The following PTPRD variants were observed in gnomAD, a reference collection of about 807,000 sequenced individuals.
The protein encoded by PTPRD is receptor-type tyrosine-protein phosphatase delta.
PTPRD carries 34 observed loss-of-function variants against 214.5 expected under a neutral mutation model. The observed-to-expected ratio is 0.16, with a 90% CI of 0.12 to 0.21. The LOEUF is 0.21. Among genes scored for constraint, PTPRD ranks in the 10% least tolerant of loss-of-function variants. PTPRD has a pLI of 1.00. For missense variants in PTPRD, 2,545 were observed against 2,398.7 expected (o/e 1.06, Z -1.27); for synonymous variants, 1,128 against 845.7 (o/e 1.33, Z -5.79).
intron 39 of PTPRD, among the ~76,000 whole-genome samples, chr9:8,373,484 C>A (rs1392262713): frequency 6.6e-6 from 1 of 151,916 alleles, no homozygotes; most frequent in East Asian, 1.9e-4. Context: ...TCTCCAGAGC[C>A]TCAGGCACAG....
chr9:9,703,665 T>C (rs2097543585), intron 7 of PTPRD, among the ~76,000 whole-genome samples: 1 of 152,174 alleles, frequency 6.6e-6, no homozygotes, highest in Non-Finnish European at 1.5e-5. Context: ...ATTTGTTCTG[T>C]ACAGTTTACC....
chr9:10,272,113 G>A (rs547335322), intron 3 of PTPRD, among the ~76,000 whole-genome samples: 1 of 152,100 alleles, frequency 6.6e-6, no homozygotes, highest in South Asian at 2.1e-4. Flanking sequence ...TCCCTTCCCA[G>A]CAGTAGCCAA....
intron 2 of PTPRD, among the ~76,000 whole-genome samples, chr9:10,384,227 C>G (rs1046236164): frequency 6.6e-6 from 1 of 151,664 alleles, no homozygotes; most frequent in Non-Finnish European, 1.5e-5. Context: ...AATGGATATA[C>G]TATTTCACAT....
chr9:9,210,688 A>G (rs1246574430), intron 9 of PTPRD, among the ~76,000 whole-genome samples: 2 of 152,080 alleles, frequency 1.3e-5, no homozygotes, highest in Admixed American at 1.3e-4. Context: ...CATGCCACAT[A>G]CATGTGCCAC....
chr9:9,266,331 T>G (rs536295631), intron 9 of PTPRD, among the ~76,000 whole-genome samples: 1 of 151,470 alleles, frequency 6.6e-6, no homozygotes, highest in South Asian at 2.1e-4. Flanking sequence ...CACCCCATTT[T>G]GAGCAATAAA....
At chr9:9,449,460 G>A (rs2091488510) in intron 8 of PTPRD, among the ~76,000 whole-genome samples, 1 of 151,958 alleles carries the variant, frequency 6.6e-6, no homozygotes, top group South Asian at 2.1e-4. Context: ...CTGATTGGAT[G>A]TCACCTGTTT....
At chr9:10,492,612 A>T (rs563984660) in intron 2 of PTPRD, among the ~76,000 whole-genome samples, 1 of 152,224 alleles carries the variant, frequency 6.6e-6, no homozygotes, top group Non-Finnish European at 1.5e-5. Context: ...TCTGGATATT[A>T]GCCCTTTGTC....
At chr9:8,812,559 A>G (rs2096831995) in intron 11 of PTPRD, among the ~76,000 whole-genome samples, 1 of 152,216 alleles carries the variant, frequency 6.6e-6, no homozygotes, top group Admixed American at 6.5e-5. Flanking sequence ...CTTAAGAAAG[A>G]TCAACTAAGA....
intron 9 of PTPRD, among the ~76,000 whole-genome samples, chr9:9,208,968 T>C (rs1416505068): frequency 3.3e-5 from 5 of 151,858 alleles, no homozygotes; most frequent in Admixed American, 6.6e-5. Context: ...CCAATATGCC[T>C]GGCTAATTTT....
chr9:9,091,441 G>T (rs1024646953), intron 10 of PTPRD, among the ~76,000 whole-genome samples: 2 of 152,094 alleles, frequency 1.3e-5, no homozygotes, highest in South Asian at 2.1e-4. Context: ...TGTTAGTCTT[G>T]CAGATTGTTT....
rs1821902749 is a variant in PTPRD at position 8,316,527 on chromosome 9, T to C, written c.*1347A>G. On this transcript the variant is annotated 3_prime_UTR_variant, in exon 46 of 46. Transcript: ENST00000381196. ...CAATATACGATTGAATACACTTTTT[T>C]TAAACAACTCGATAGCTGATATATT... The C allele has an allele frequency of 8.7e-6, 2 of 230,636 alleles. No individual in the cohort carries two copies. Among genetic ancestry groups the C allele is most frequent in the South Asian group, 1.8e-4 (1 of 5,516 alleles). The allele number at this position is 230,636 out of a possible 1,614,324, so 14.3% of individuals were successfully genotyped here.
intron 39 of PTPRD, among the ~76,000 whole-genome samples, chr9:8,347,731 G>T (rs1588285885): frequency 6.6e-6 from 1 of 152,168 alleles, no homozygotes; most frequent in Non-Finnish European, 1.5e-5. Flanking sequence ...AGATAGGATG[G>T]ATGTCCTTGT....
At chr9:8,344,763 T>C (rs1855932210) in intron 39 of PTPRD, among the ~76,000 whole-genome samples, 1 of 152,002 alleles carries the variant, frequency 6.6e-6, no homozygotes, top group Admixed American at 6.6e-5. Flanking sequence ...TCAATGGCTG[T>C]GTGTCCTTGA....
chr9:10,212,012 A>G (rs1014377375), intron 3 of PTPRD, among the ~76,000 whole-genome samples: 1 of 152,102 alleles, frequency 6.6e-6, no homozygotes, highest in Non-Finnish European at 1.5e-5. Context: ...TGTTGGATAA[A>G]ATTTGAGTAG....
intron 9 of PTPRD, among the ~76,000 whole-genome samples, chr9:9,315,357 T>A (rs1386637087): frequency 6.6e-6 from 1 of 152,026 alleles, no homozygotes; most frequent in Non-Finnish European, 1.5e-5. Context: ...ATATACAACT[T>A]ATTATTGACA....
intron 12 of PTPRD, among the ~76,000 whole-genome samples, chr9:8,694,430 G>A (rs893858481): frequency 6.6e-6 from 1 of 151,960 alleles, no homozygotes; most frequent in Non-Finnish European, 1.5e-5. Flanking sequence ...AAAGTCTGAT[G>A]GAAAACATGA....
chr9:10,349,324 T>C (rs2097143580), intron 2 of PTPRD, among the ~76,000 whole-genome samples: 1 of 152,038 alleles, frequency 6.6e-6, no homozygotes, highest in African/African-American at 2.4e-5. Context: ...TGGATCATTT[T>C]CCTTGATTGA....
chr9:9,806,147 A>T (rs1458037532), intron 5 of PTPRD, among the ~76,000 whole-genome samples: 2 of 152,168 alleles, frequency 1.3e-5, no homozygotes, highest in Non-Finnish European at 2.9e-5. Context: ...GTGTTAGAGT[A>T]GGTAGGCAGC....
intron 9 of PTPRD, among the ~76,000 whole-genome samples, chr9:9,281,961 T>G (rs1183352670): frequency 1.3e-5 from 2 of 151,288 alleles, no homozygotes; most frequent in Non-Finnish European, 3.0e-5. Flanking sequence ...TGAAAAAACA[T>G]GGAGAAACCA....
Sources: gnomAD v4.1 joint callset for allele counts (sites outside exome capture counted in the v4.1 genomes callset) on GRCh38, gnomAD v4.1.1 for gene constraint, MANE v1.5 for transcripts, NCBI Gene and HGNC (gene_info 2026-07-23, HGNC 2026-07-21) for gene names.